PCLO: variants seen among roughly 807,000 people sequenced by gnomAD.
PCLO encodes the protein protein piccolo.
In PCLO, 82 loss-of-function variants were observed where a neutral mutation model predicts 427.5. The observed-to-expected ratio is 0.19, with a 90% CI of 0.16 to 0.23. The LOEUF is 0.23. PCLO is among the 10% of genes least tolerant of loss of function. The probability of loss-of-function intolerance (pLI) is 1.00; values close to 1 mark genes in which losing one functional copy is unlikely to be tolerated. For missense variants in PCLO, 6,239 were observed against 6,115.9 expected (o/e 1.02, Z -0.67); for synonymous variants, 2,357 against 2,155.4 (o/e 1.09, Z -2.59).
At chr7:82,910,547 T>C (rs1794297623) in intron 7 of PCLO, among the ~76,000 whole-genome samples, 1 of 152,090 alleles carries the variant, frequency 6.6e-6, no homozygotes, top group South Asian at 2.1e-4. Context: ...GCAAAGCTTA[T>C]ATTGTCTTTT....
chr7:83,149,343 C>T (rs1792074067), intron 2 of PCLO, among the ~76,000 whole-genome samples: 1 of 152,112 alleles, frequency 6.6e-6, no homozygotes, highest in Admixed American at 6.5e-5. Flanking sequence ...AGCTCTTTTT[C>T]CTTTCCATTT....
intron 22 of PCLO, among the ~76,000 whole-genome samples, chr7:82,774,215 C>A (rs1265597630): frequency 6.6e-6 from 1 of 152,082 alleles, no homozygotes; most frequent in African/African-American, 2.4e-5. Context: ...TTGCTAGGAC[C>A]TTATGTAAGA....
chr7:82,875,009 T>C (rs914410825), intron 10 of PCLO, among the ~76,000 whole-genome samples: 2 of 152,170 alleles, frequency 1.3e-5, no homozygotes, highest in Non-Finnish European at 2.9e-5. Context: ...CCCAGATCTT[T>C]TGTCTTCATC....
intron 22 of PCLO, among the ~76,000 whole-genome samples, chr7:82,791,838 A>C (rs908386722): frequency 6.6e-6 from 1 of 152,046 alleles, no homozygotes; most frequent in African/African-American, 2.4e-5. Context: ...AGATATAATA[A>C]ATTTTAAAAA....
At chr7:82,864,359 A>G (rs1450742650) in intron 10 of PCLO, among the ~76,000 whole-genome samples, 1 of 152,122 alleles carries the variant, frequency 6.6e-6, no homozygotes, top group African/African-American at 2.4e-5. Context: ...ACAAATGCTC[A>G]CAGAAGGCAA....
chr7:82,986,464 G>A (rs1796259792), intron 3 of PCLO, among the ~76,000 whole-genome samples: 1 of 151,664 alleles, frequency 6.6e-6, no homozygotes, highest in African/African-American at 2.4e-5. Context: ...GAATTAAGGG[G>A]GTTCACTGAC....
chr7:82,978,231 C>A, intron 3 of PCLO, among the ~76,000 whole-genome samples: 1 of 148,760 alleles, frequency 6.7e-6, no homozygotes, highest in African/African-American at 2.5e-5. Context: ...ACTCTCTTCA[C>A]CAGGAAAGTT....
chr7:82,974,733 C>T (rs1242421849), intron 3 of PCLO, among the ~76,000 whole-genome samples: 1 of 152,058 alleles, frequency 6.6e-6, no homozygotes, highest in Non-Finnish European at 1.5e-5. Context: ...GTAATCAGTT[C>T]TCATCCCTCT....
chr7:82,882,446 TG>T (rs1161591615), intron 9 of PCLO, among the ~76,000 whole-genome samples: 1 of 152,162 alleles, frequency 6.6e-6, no homozygotes, highest in Non-Finnish European at 1.5e-5. Context: ...CTTCTTCAGA[TG>T]CCATGAAAAT....
At chr7:82,765,889 GC>G (rs71522628) in intron 22 of PCLO, among the ~76,000 whole-genome samples, 75,426 of 151,506 alleles carry the variant, frequency 0.5, 19,407 homozygotes, top group East Asian at 0.72. Context: ...AGAGAAGTTA[GC>G]GGGGGGAGAA....
In PCLO at chr7:82,953,441, C is replaced by T. The variant is rs762214914; in HGVS notation, c.7512G>A (p.Glu2504=). The change falls in exon 5 of 25, where the codon GAG becomes GAA. Residue 2504 remains glutamate (E), a synonymous_variant. Transcript: ENST00000333891. The part of the protein sequence containing the change: ...PSGLVFTHRP[E]PSKPPIAPKP... ...TGGGGGCGATTGGAGGTTTGCTTGG[C>T]TCAGGCCTGTGGGTAAATACAAGTC... 1.3e-4 allele frequency: 204 copies of T among 1,613,326 alleles called. No homozygotes were observed. Among genetic ancestry groups the T allele is most frequent in the Non-Finnish European group, 1.7e-4 (199 of 1,179,818 alleles).
chr7:83,160,602 C>T (rs1484441200), intron 1 of PCLO, among the ~76,000 whole-genome samples: 1 of 151,966 alleles, frequency 6.6e-6, no homozygotes, highest in African/African-American at 2.4e-5. Context: ...TTGGGCCATA[C>T]ACTAACTATT....
chr7:82,770,164 A>G (rs979306100), intron 22 of PCLO, among the ~76,000 whole-genome samples: 1 of 152,130 alleles, frequency 6.6e-6, no homozygotes, highest in African/African-American at 2.4e-5. Context: ...TGCCAAAATT[A>G]CAAAGGTAAA....
chr7:82,773,409 G>A (rs1324228082), intron 22 of PCLO, among the ~76,000 whole-genome samples: 1 of 152,076 alleles, frequency 6.6e-6, no homozygotes, highest in African/African-American at 2.4e-5. Flanking sequence ...CTGAATGAAC[G>A]TAAATAGCGG....
At chr7:82,985,856 T>C (rs1294131277) in intron 3 of PCLO, among the ~76,000 whole-genome samples, 1 of 151,244 alleles carries the variant, frequency 6.6e-6, no homozygotes, top group Admixed American at 6.6e-5. Context: ...TAATTAAAAT[T>C]AGAGATAATA....
At chr7:82,782,672 AT>A (rs1386522840) in intron 22 of PCLO, among the ~76,000 whole-genome samples, 2 of 152,234 alleles carry the variant, frequency 1.3e-5, no homozygotes, top group African/African-American at 4.8e-5. Context: ...TTACGTTAAT[AT>A]AAAATAGTAT....
chr7:83,070,312 G>C (rs1789778958), intron 3 of PCLO, among the ~76,000 whole-genome samples: 1 of 151,854 alleles, frequency 6.6e-6, no homozygotes, highest in Non-Finnish European at 1.5e-5. Flanking sequence ...CCTAGAGCAA[G>C]AACAACCTTC....
intron 20 of PCLO, 68 bp downstream of exon 20, chr7:82,822,427 C>T (rs1215989469): frequency 1.9e-6 from 3 of 1,611,096 alleles, no homozygotes; most frequent in Admixed American, 3.3e-5. Context: ...CAGGAAAGGA[C>T]AGCAGGAAAG....
chr7:82,866,059 G>A (rs1307254358), intron 10 of PCLO, among the ~76,000 whole-genome samples: 2 of 152,096 alleles, frequency 1.3e-5, no homozygotes, highest in Non-Finnish European at 2.9e-5. Context: ...TTTCAGCCAC[G>A]TTGGCTTCCT....
Sources: gnomAD v4.1 joint callset for allele counts (sites outside exome capture counted in the v4.1 genomes callset) on GRCh38, gnomAD v4.1.1 for gene constraint, MANE v1.5 for transcripts, NCBI Gene and HGNC (gene_info 2026-07-23, HGNC 2026-07-21) for gene names.